The following APCDD1 variants were observed in gnomAD, a reference collection of about 807,000 sequenced individuals.
APCDD1 encodes protein APCDD1.
Under a neutral mutation model 38.1 loss-of-function variants are expected in APCDD1, and 15 were observed. The observed-to-expected ratio is 0.39, with a 90% confidence interval of 0.26 to 0.61. APCDD1 has a LOEUF of 0.61. Among genes scored for constraint, APCDD1 ranks in the 20% least tolerant of loss-of-function variants. The pLI is 0.49. For synonymous variants in APCDD1, 261 were observed against 279.7 expected (o/e 0.93, Z 0.67); for missense variants, 647 against 696.2 (o/e 0.93, Z 0.79).
chr18:10,463,943 G>T (rs781679140), intron 1 of APCDD1, among the ~76,000 whole-genome samples: 8 of 152,312 alleles, frequency 5.3e-5, no homozygotes, highest in Non-Finnish European at 1.0e-4. Flanking sequence ...GCTCACATGG[G>T]TGCCCTGGCT....
In APCDD1 at chr18:10,457,736, T is replaced by A. The variant is rs188762454; in HGVS notation, c.58+2697T>A. On this transcript the variant is annotated intron_variant, in intron 1 of 4. Transcript: ENST00000355285. ...AGGATGCAGTAGATAACCATTATGT[T>A]TGGCATCCAGTCTTTGTTCGGTTTT... is the stretch of plus-strand genomic sequence containing the variant. 8.5e-5 allele frequency among the ~76,000 whole-genome samples: 13 copies of A among 152,354 alleles called. No homozygotes were observed. The East Asian group carries it at 2.5e-3, about 29-fold the overall frequency.
At chr18:10,474,935 T>C (rs1223791043) in intron 3 of APCDD1, among the ~76,000 whole-genome samples, 2 of 152,260 alleles carry the variant, frequency 1.3e-5, no homozygotes, top group Non-Finnish European at 2.9e-5. Context: ...GGCAAGTATG[T>C]GGACTTCAGA....
intron 3 of APCDD1, among the ~76,000 whole-genome samples, chr18:10,479,854 G>A (rs1221024662): frequency 1.3e-5 from 2 of 152,192 alleles, no homozygotes; most frequent in African/African-American, 2.4e-5. Flanking sequence ...GAATCAGAGA[G>A]CAGAGTAGGC....
chr18:10,475,337 T>C lies in APCDD1; in HGVS notation c.774+3276T>C, dbSNP rs763076817. Among the ~76,000 whole-genome samples the C allele has an allele frequency of 3.3e-5, 5 of 152,064 alleles. No individual in the cohort carries two copies. The highest frequency in any genetic ancestry group is 5.9e-5 in the Non-Finnish European group (4 of 67,978). On this transcript the variant is annotated intron_variant, in intron 3 of 4. Coordinates refer to ENST00000355285, the MANE Select transcript of APCDD1 (RefSeq NM_153000.5). This position sits in a 1 kb window ranked among gnomAD's most constrained non-coding sequence, Gnocchi z 4.0. Reference sequence around the variant, plus strand: ...TAGACTCTTTAAATCCCAGGCCTGATTCCTTGATGACAGAAAATTAAGGTG... The same window carrying C: ...TAGACTCTTTAAATCCCAGGCCTGACTCCTTGATGACAGAAAATTAAGGTG...
chr18:10,471,814 C>T lies in APCDD1; in HGVS notation c.527C>T (p.Ala176Val), dbSNP rs1343625181. ...QVNRTCPGFL[A>V]DGGPWVQDVA... ...AACCGCACATGCCCGGGCTTCCTCG[C>T]AGACGGGGGTCCCTGGGTGCAGGAC... The change falls in exon 3 of 5, where the codon GCA (alanine) becomes GTA (valine). Residue 176 changes from alanine to valine, a missense_variant. Physicochemically the swap from Ala to Val is moderately conservative, Grantham distance 64. Transcript: ENST00000355285. This position sits in a 1 kb window ranked among gnomAD's most constrained non-coding sequence, Gnocchi z 5.5. The T allele has an allele frequency of 6.2e-7, 1 of 1,613,666 alleles. No individual in the cohort carries two copies. Among genetic ancestry groups the T allele is most frequent in the African/African-American group, 1.3e-5 (1 of 74,944 alleles).
Position 10,470,064 on chromosome 18 carries a change from G to A in APCDD1, c.242+1412G>A, listed in dbSNP as rs938132816. On this transcript the variant is annotated intron_variant, in intron 2 of 4. Coordinates refer to ENST00000355285, the MANE Select transcript of APCDD1 (RefSeq NM_153000.5). This position sits in a 1 kb window ranked among gnomAD's most constrained non-coding sequence, Gnocchi z 4.1. ...TGGCTGCTGTTTGGCAAATGGACGGGAGAAAAAGTGATTTGGGGGTGACCA... is the reference window on the plus strand; with the variant it reads ...TGGCTGCTGTTTGGCAAATGGACGGAAGAAAAAGTGATTTGGGGGTGACCA... Among the ~76,000 whole-genome samples, 10 of 152,128 alleles carry A rather than the reference G, an allele frequency of 6.6e-5. No individual in the cohort carries two copies. The highest frequency in any genetic ancestry group is 2.4e-4 in the African/African-American group (10 of 41,422).
In APCDD1 at chr18:10,471,840, G is replaced by T. The variant is rs773647477; in HGVS notation, c.553G>T (p.Val185Leu). 1 of 1,614,172 alleles carries T rather than the reference G, an allele frequency of 6.2e-7. No individual in the cohort carries two copies. The highest frequency in any genetic ancestry group is 1.1e-5 in the South Asian group (1 of 91,084). ...LADGGPWVQDVAYDLWREENG... is the reference protein window; with the variant it reads ...LADGGPWVQDLAYDLWREENG... Reference sequence around the variant, plus strand: ...AGACGGGGGTCCCTGGGTGCAGGACGTGGCCTATGACCTCTGGCGAGAGGA... The same window carrying T: ...AGACGGGGGTCCCTGGGTGCAGGACTTGGCCTATGACCTCTGGCGAGAGGA... Residue 185 changes from valine to leucine, a missense_variant, in exon 3 of 5, where the codon GTG (valine) becomes TTG (leucine). Transcript: ENST00000355285. The surrounding 1 kb of genome is among the most constrained non-coding windows in gnomAD (Gnocchi z 5.5).
At chr18:10,484,335 C>G (rs1233888762) in intron 3 of APCDD1, among the ~76,000 whole-genome samples, 1 of 152,260 alleles carries the variant, frequency 6.6e-6, no homozygotes, top group Non-Finnish European at 1.5e-5. Flanking sequence ...GTTTCCTACA[C>G]AACTCCATTT....
At chr18:10,483,593 T>C (rs964526830) in intron 3 of APCDD1, among the ~76,000 whole-genome samples, 2 of 152,116 alleles carry the variant, frequency 1.3e-5, no homozygotes, top group Admixed American at 6.5e-5. Flanking sequence ...CGAAATCACA[T>C]GTTGAGTGAG....
chr18:10,471,858 C>G lies in APCDD1; in HGVS notation c.571C>G (p.Arg191Gly), dbSNP rs766947286. 15 of 1,614,048 alleles carry G rather than the reference C, an allele frequency of 9.3e-6. No homozygotes were observed. Among genetic ancestry groups the G allele is most frequent in the Non-Finnish European group, 1.3e-5 (15 of 1,180,048 alleles). Residue 191 changes from arginine (R) to glycine (G), a missense_variant, in exon 3 of 5, where the codon CGA becomes GGA. Physicochemically the swap from Arg to Gly is moderately radical, Grantham distance 125. Coordinates refer to ENST00000355285, the MANE Select transcript of APCDD1 (RefSeq NM_153000.5). The surrounding 1 kb of genome is among the most constrained non-coding windows in gnomAD (Gnocchi z 5.5). The part of the protein sequence containing the change: ...WVQDVAYDLW[R>G]EENGCECTKA... ...GCAGGACGTGGCCTATGACCTCTGGCGAGAGGAGAACGGCTGTGAGTGCAC... is the reference window on the plus strand; with the variant it reads ...GCAGGACGTGGCCTATGACCTCTGGGGAGAGGAGAACGGCTGTGAGTGCAC...
rs2030326879 is a variant in APCDD1, at chr18:10,454,864, T to C, written c.-118T>C. The stretch of plus-strand genomic sequence containing the variant: ...GGGCATGGGGCGCGCGGCAGCCGCC[T>C]GAAGCCCCGGCCTGGCCCGGCCGCA... On this transcript the variant is annotated 5_prime_UTR_variant, in exon 1 of 5. The change abolishes the stop of an existing upstream ORF in the 5' untranslated region. Coordinates refer to ENST00000355285, the MANE Select transcript of APCDD1 (RefSeq NM_153000.5). 8.8e-7 allele frequency: 1 copy of C among 1,133,682 alleles called. No individual in the cohort carries two copies. The highest frequency in any genetic ancestry group is 1.1e-6 in the Non-Finnish European group (1 of 922,594). 70.2% of individuals were successfully genotyped at this position (1,133,682 alleles called of 1,614,324 possible).
intron 3 of APCDD1, among the ~76,000 whole-genome samples, chr18:10,479,135 C>G (rs522593): frequency 0.49 from 75,106 of 152,098 alleles, 19,613 homozygotes; most frequent in African/African-American, 0.67. Flanking sequence ...TTATCTACAG[C>G]AGAAATTTAA....
At chr18:10,461,401 A>G (rs111792915) in intron 1 of APCDD1, among the ~76,000 whole-genome samples, 18 of 152,278 alleles carry the variant, frequency 1.2e-4, no homozygotes, top group African/African-American at 4.3e-4. Context: ...TGGACCCCCA[A>G]TGTTTGAGAC....
chr18:10,465,316 T>C (rs557214), intron 1 of APCDD1, among the ~76,000 whole-genome samples: 41,304 of 152,044 alleles, frequency 0.27, 6,014 homozygotes, highest in East Asian at 0.45. Flanking sequence ...ATGTCCATCC[T>C]TGGGACTCAT....
chr18:10,456,999 A>G (rs1447468585), intron 1 of APCDD1, among the ~76,000 whole-genome samples: 2 of 147,590 alleles, frequency 1.4e-5, no homozygotes, highest in African/African-American at 2.5e-5. Context: ...ATATATGAAG[A>G]TAAGATAAAA....
chr18:10,467,045 G>C lies in APCDD1; in HGVS notation c.59-1424G>C, dbSNP rs2030733318. 6.6e-6 allele frequency among the ~76,000 whole-genome samples: 1 copy of C among 152,186 alleles called. No homozygotes were observed. Among genetic ancestry groups the C allele is most frequent in the African/African-American group, 2.4e-5 (1 of 41,450 alleles). On this transcript the variant is annotated intron_variant, in intron 1 of 4. Coordinates refer to ENST00000355285, the MANE Select transcript of APCDD1 (RefSeq NM_153000.5). This position sits in a 1 kb window ranked among gnomAD's most constrained non-coding sequence, Gnocchi z 4.8. ...GGGAAAATCTGGGAGTTCAGATACGGAAAATTCTGTCTTCTCAACACCAAG... is the reference window on the plus strand; with the variant it reads ...GGGAAAATCTGGGAGTTCAGATACGCAAAATTCTGTCTTCTCAACACCAAG...
rs376074678 is a variant in APCDD1 at position 10,487,811 on chromosome 18, G to A, written c.1318G>A (p.Gly440Ser). Reference sequence around the variant, plus strand: ...CCGGGGGCGCTATCTGCTGTTCAACGGTCAGAGGCCCAGCGACGGGTCCAG... The same window carrying A: ...CCGGGGGCGCTATCTGCTGTTCAACAGTCAGAGGCCCAGCGACGGGTCCAG... ...DARGRYLLFN[G>S]QRPSDGSSPD... is the part of the protein sequence containing the mutation. Residue 440 changes from glycine to serine, a missense_variant, in exon 5 of 5, where the codon GGT (glycine) becomes AGT (serine). By Grantham distance (56) the Gly-to-Ser change is moderately conservative. Coordinates refer to ENST00000355285, the MANE Select transcript of APCDD1 (RefSeq NM_153000.5). 1.2e-5 allele frequency: 19 copies of A among 1,613,940 alleles called. No individual in the cohort carries two copies. Among genetic ancestry groups the A allele is most frequent in the Non-Finnish European group, 1.5e-5 (18 of 1,180,040 alleles).
In APCDD1 at chr18:10,472,208, G is replaced by A; in HGVS notation, c.774+147G>A. 2 of 1,153,044 alleles carry A rather than the reference G, an allele frequency of 1.7e-6. No homozygotes were observed. The highest frequency in any genetic ancestry group is 1.3e-5 in the South Asian group (1 of 75,340). The allele number at this position is 1,153,044 out of a possible 1,614,324, so 71.4% of individuals were successfully genotyped here. On this transcript the variant is annotated intron_variant, in intron 3 of 4. Coordinates refer to ENST00000355285, the MANE Select transcript of APCDD1 (RefSeq NM_153000.5). This position sits in a 1 kb window ranked among gnomAD's most constrained non-coding sequence, Gnocchi z 6.6. ...CCAAGGTGGGGCTGCTGCGAGGTGG[G>A]AGGAGATGGGAAAGGCTGGGGCTGA...
chr18:10,485,791 T>A lies in APCDD1; in HGVS notation c.1096+8T>A, dbSNP rs1471083007. On this transcript the variant is annotated splice_region_variant and intron_variant, in intron 4 of 4. Transcript: ENST00000355285. This position sits in a 1 kb window ranked among gnomAD's most constrained non-coding sequence, Gnocchi z 5.8. The stretch of plus-strand genomic sequence containing the variant: ...CCGAGTTCGTGTTCAAAGGTAGGAT[T>A]CCCATCTCAAGTCCCAGTATCACAG... The A allele has an allele frequency of 1.2e-6, 2 of 1,611,358 alleles. No homozygotes were observed. The highest frequency in any genetic ancestry group is 1.7e-6 in the Non-Finnish European group (2 of 1,179,936).
Sources: gnomAD v4.1 joint callset for allele counts (sites outside exome capture counted in the v4.1 genomes callset) on GRCh38, gnomAD v4.1.1 for gene constraint, Gnocchi (gnomAD v3.1) non-coding constraint, MANE v1.5 for transcripts, NCBI Gene and HGNC (gene_info 2026-07-23, HGNC 2026-07-21) for gene names.